KLRG2: variants seen among roughly 807,000 people sequenced by gnomAD.
The protein encoded by KLRG2 is killer cell lectin like receptor G2.
A neutral mutation model predicts 35.4 loss-of-function variants in KLRG2; 39 were observed. That is an observed-to-expected ratio of 1.10 (90% CI 0.85 to 1.44). KLRG2 has a LOEUF of 1.44. Ranked by LOEUF, KLRG2 falls within the 40% of genes most tolerant of loss-of-function variation. KLRG2 has a pLI of 0.00. For synonymous variants in KLRG2, 283 were observed against 265.8 expected, an observed-to-expected ratio of 1.06 and a Z score of -0.63; for missense variants, 632 against 570.9, an observed-to-expected ratio of 1.11 and a Z score of -1.09.
intron 3 of KLRG2, among the ~76,000 whole-genome samples, chr7:139,456,917 G>A (rs112297081): frequency 7.6e-5 from 11 of 144,808 alleles, no homozygotes; most frequent in African/African-American, 2.8e-4. Context: ...CAGTGAAACT[G>A]CCTCCCCGCG....
the KLRG2 span, among the ~76,000 whole-genome samples, chr7:139,441,905 T>C: frequency 1.3e-5 from 2 of 152,166 alleles, no homozygotes; most frequent in Non-Finnish European, 2.9e-5. Context: ...ATAATGCTGC[T>C]TCTCTCCAAA....
chr7:139,445,680 G>A, the KLRG2 span, among the ~76,000 whole-genome samples: 1 of 149,152 alleles, frequency 6.7e-6, no homozygotes, highest in Non-Finnish European at 1.5e-5. Context: ...GATGGATCGA[G>A]GGTTCTTAAC....
chr7:139,452,465 TAC>T (rs1569408490), downstream of KLRG2, among the ~76,000 whole-genome samples: 1 of 152,130 alleles, frequency 6.6e-6, no homozygotes, highest in Non-Finnish European at 1.5e-5. Context: ...TAATGAAAAA[TAC>T]AGTGTGAGAA....
intron 3 of KLRG2, among the ~76,000 whole-genome samples, chr7:139,479,269 G>T (rs1482040223): frequency 1.3e-5 from 2 of 152,162 alleles, no homozygotes; most frequent in Non-Finnish European, 2.9e-5. Flanking sequence ...TTTTGGTAGA[G>T]ACAGGGTTTC....
the KLRG2 span, among the ~76,000 whole-genome samples, chr7:139,432,544 A>AGCCCC: frequency 9.9e-6 from 1 of 100,862 alleles, no homozygotes; most frequent in African/African-American, 3.6e-5. Flanking sequence ...TGATTGCAGG[A>AGCCCC]CCCCCCCCCC....
chr7:139,452,529 G>T (rs999335363), downstream of KLRG2, among the ~76,000 whole-genome samples: 1 of 152,026 alleles, frequency 6.6e-6, no homozygotes, highest in Non-Finnish European at 1.5e-5. Flanking sequence ...GCCCATTACT[G>T]GTTCAAACGC....
Position 139,483,323 on chromosome 7 carries a change from C to T in KLRG2, c.320G>A (p.Gly107Asp). ...GPALVKLPRN[G>D]EAPGAEPAPS... ...CGCAGGCTCAGCCCCGGGCGCCTCGCCATTCCGGGGCAGCTTGACCAAGGC... is the reference window on the plus strand; with the variant it reads ...CGCAGGCTCAGCCCCGGGCGCCTCGTCATTCCGGGGCAGCTTGACCAAGGC... The change falls in exon 1 of 5, where the codon GGC becomes GAC. Residue 107 changes from glycine (G) to aspartate (D), a missense_variant. Gly to Asp is a moderately conservative substitution (Grantham distance 94). Transcript: ENST00000340940. 1 of 1,547,886 alleles carries T rather than the reference C, an allele frequency of 6.5e-7. No individual in the cohort carries two copies. The highest frequency in any genetic ancestry group is 8.6e-7 in the Non-Finnish European group (1 of 1,157,380).
chr7:139,480,259 G>A lies in KLRG2; in HGVS notation c.758-12C>T. ...GTACATGGGTAGCCCTGGGACGGGG[G>A]CAAACAGGATAATCAGATTAGTGGA... On this transcript the variant is annotated splice_polypyrimidine_tract_variant and intron_variant, in intron 1 of 4. Coordinates refer to ENST00000340940, the MANE Select transcript of KLRG2 (RefSeq NM_198508.4). The A allele has an allele frequency of 2.0e-6, 3 of 1,488,450 alleles. No individual in the cohort carries two copies. Among genetic ancestry groups the A allele is most frequent in the Admixed American group, 1.7e-5 (1 of 59,784 alleles). 92.2% of individuals were successfully genotyped at this position (1,488,450 alleles called of 1,614,324 possible).
At chr7:139,477,779 G>T (rs1569416174) in intron 3 of KLRG2, among the ~76,000 whole-genome samples, 1 of 149,852 alleles carries the variant, frequency 6.7e-6, no homozygotes, top group African/African-American at 2.5e-5. Flanking sequence ...TTTTTTTTGA[G>T]ACGGAGTCCC....
intron 3 of KLRG2, among the ~76,000 whole-genome samples, chr7:139,469,878 C>CAG (rs2116460346): frequency 6.6e-6 from 1 of 152,356 alleles, no homozygotes; most frequent in African/African-American, 2.4e-5. Flanking sequence ...GCCCAGTCTC[C>CAG]AGCACACGGT....
chr7:139,465,744 C>T (rs1319339842), intron 3 of KLRG2, among the ~76,000 whole-genome samples: 2 of 151,680 alleles, frequency 1.3e-5, no homozygotes, highest in African/African-American at 4.8e-5. Context: ...TCATTCACTG[C>T]AAGCAGCCAT....
At chr7:139,465,769 C>A (rs1569412875) in intron 3 of KLRG2, among the ~76,000 whole-genome samples, 1 of 151,924 alleles carries the variant, frequency 6.6e-6, no homozygotes, top group Non-Finnish European at 1.5e-5. Context: ...AGGCATCAGA[C>A]CTCTCATTGC....
At chr7:139,445,793 G>GTATATATATATATATGTATATATATC in the KLRG2 span, among the ~76,000 whole-genome samples, 1 of 95,600 alleles carries the variant, frequency 1.0e-5, no homozygotes. Context: ...ATATATATAT[G>GTATATATATATATATGTATATATATC]TGTGTATATA....
chr7:139,474,608 A>G (rs1796817096), intron 3 of KLRG2, among the ~76,000 whole-genome samples: 1 of 151,870 alleles, frequency 6.6e-6, no homozygotes, highest in Admixed American at 6.6e-5. Flanking sequence ...AAAATACAAA[A>G]AAATTAGCTG....
rs933981966 is a variant in KLRG2 at position 139,483,196 on chromosome 7, G to A, written c.447C>T (p.Arg149=). 1 of 1,514,482 alleles carries A rather than the reference G, an allele frequency of 6.6e-7. No individual in the cohort carries two copies. Among genetic ancestry groups the A allele is most frequent in the Non-Finnish European group, 8.8e-7 (1 of 1,140,108 alleles). The allele number at this position is 1,514,482 out of a possible 1,614,324, so 93.8% of individuals were successfully genotyped here. The stretch of plus-strand genomic sequence containing the variant: ...ACTCGGGCACCGGCACCTTGAGGAA[G>A]CGCGTGGAGGGCCTGGGCGATGGCG... ...SSTPSPRPST[R]FLKVPVPESP... is the part of the protein sequence containing the mutation. The change falls in exon 1 of 5, where the codon CGC becomes CGT. Residue 149 remains arginine, a synonymous_variant. Coordinates refer to ENST00000340940, the MANE Select transcript of KLRG2 (RefSeq NM_198508.4).
chr7:139,437,833 C>T, the KLRG2 span, among the ~76,000 whole-genome samples: 5 of 152,160 alleles, frequency 3.3e-5, no homozygotes, highest in African/African-American at 1.2e-4. Context: ...TGTTTGAGAT[C>T]ATCTCTGGTC....
rs375435132 is a variant in KLRG2 at position 139,483,220 on chromosome 7, C to A, written c.423G>T (p.Thr141=). The change falls in exon 1 of 5, where the codon ACG becomes ACT. Residue 141 remains threonine (T), a synonymous_variant. Coordinates refer to ENST00000340940, the MANE Select transcript of KLRG2 (RefSeq NM_198508.4). ...KPVGAAGGSS[T]PSPRPSTRFL... Reference sequence around the variant, plus strand: ...AGCGCGTGGAGGGCCTGGGCGATGGCGTGCTGCTGCCACCGGCCGCGCCCA... The same window carrying A: ...AGCGCGTGGAGGGCCTGGGCGATGGAGTGCTGCTGCCACCGGCCGCGCCCA... 84 of 1,531,072 alleles carry A rather than the reference C, an allele frequency of 5.5e-5. No individual in the cohort carries two copies. In the South Asian group the frequency reaches 9.7e-4, roughly 18 times the overall value. The allele number at this position is 1,531,072 out of a possible 1,614,324, so 94.8% of individuals were successfully genotyped here. A position where few individuals can be genotyped will look rare whatever the true frequency, so the allele number is the denominator to read the frequency against.
chr7:139,453,253 C>G lies in KLRG2; in HGVS notation c.*334G>C, dbSNP rs895841773. The stretch of plus-strand genomic sequence containing the variant: ...ATTGGAATCCGCTGTGGTTGTTAAC[C>G]CTGTCTTTTTCCTCTAGGGGGAAAT... On this transcript the variant is annotated 3_prime_UTR_variant, in exon 5 of 5. Coordinates refer to ENST00000340940, the MANE Select transcript of KLRG2 (RefSeq NM_198508.4). 2.1e-6 allele frequency: 1 copy of G among 470,594 alleles called. No homozygotes were observed. The highest frequency in any genetic ancestry group is 2.0e-5 in the African/African-American group (1 of 49,250). The allele number at this position is 470,594 out of a possible 1,614,324, so 29.2% of individuals were successfully genotyped here. A position where few individuals can be genotyped will look rare whatever the true frequency, so the allele number is the denominator to read the frequency against.
At chr7:139,454,253 T>C (rs1211471764) in intron 3 of KLRG2, 39 bp from the exon 4 acceptor site, 1 of 1,017,264 alleles carries the variant, frequency 9.8e-7, no homozygotes, top group Non-Finnish European at 1.5e-6. Flanking sequence ...CCCTGGACAC[T>C]GGCGTGGCTT....
Sources: allele counts gnomAD v4.1 joint callset (sites outside exome capture counted in the v4.1 genomes callset), GRCh38; gene constraint gnomAD v4.1.1; transcripts MANE v1.5; gene names NCBI Gene and HGNC (gene_info 2026-07-23, HGNC 2026-07-21).